Variants in SYT14 observed in about 807,000 individuals in gnomAD.
The protein encoded by SYT14 is synaptotagmin 14.
SYT14 carries 32 observed loss-of-function variants against 74.2 expected under a neutral mutation model. That is an observed-to-expected ratio of 0.43 (90% confidence interval 0.33 to 0.58). The LOEUF is 0.58. Among genes scored for constraint, SYT14 ranks in the 20% least tolerant of loss-of-function variants. The pLI is 0.05. For missense variants in SYT14, 791 were observed against 981.8 expected (o/e 0.81, Z 2.60); for synonymous variants, 298 against 337.7 (o/e 0.88, Z 1.29).
intron 1 of SYT14, among the ~76,000 whole-genome samples, chr1:209,951,545 A>G (rs906663532): frequency 6.6e-6 from 1 of 152,126 alleles, no homozygotes; most frequent in African/African-American, 2.4e-5. Context: ...ATGTGCCATT[A>G]TCTTTTAAAG....
intron 2 of SYT14, among the ~76,000 whole-genome samples, chr1:209,988,627 A>G (rs1443806306): frequency 6.6e-6 from 1 of 152,180 alleles, no homozygotes; most frequent in Admixed American, 6.5e-5. Flanking sequence ...TAGGAGGGGC[A>G]AAACCTGCAT....
At chr1:210,121,646 T>C (rs1008839189) in intron 7 of SYT14, among the ~76,000 whole-genome samples, 4 of 151,806 alleles carry the variant, frequency 2.6e-5, no homozygotes, top group African/African-American at 9.7e-5. Context: ...TACAAAAAAT[T>C]AGCCAGGCGT....
Position 210,030,908 on chromosome 1 carries a change from G to GTTTGTTCTGTTTTGTTTTGT in SYT14, c.1312+9660_1312+9661insCTGTTTTGTTTTGTTTTGTT, listed in dbSNP as rs2080517340. ...AATTAGTATGGGAAGGCAGTGTTTTGTTTGTTTTGTTTTGTTTTGTTTTGT... is the reference window on the plus strand; with the variant it reads ...AATTAGTATGGGAAGGCAGTGTTTTGTTTGTTCTGTTTTGTTTTGTTTTGTTTTGTTTTGTTTTGTTTTGT... On this transcript the variant is annotated intron_variant, in intron 5 of 9. Transcript: ENST00000637265. Among the ~76,000 whole-genome samples, 3 of 149,054 alleles carry GTTTGTTCTGTTTTGTTTTGT rather than the reference G, an allele frequency of 2.0e-5. No individual in the cohort carries two copies. The South Asian group carries it at 6.4e-4, about 32-fold the overall frequency.
At chr1:210,156,911 C>T (rs767316615) in intron 8 of SYT14, 8 of 385,074 alleles carry the variant, frequency 2.1e-5, no homozygotes, top group African/African-American at 8.2e-5. Flanking sequence ...TCAAGCTGGT[C>T]GCAAGCTCCT....
intron 7 of SYT14, among the ~76,000 whole-genome samples, chr1:210,127,920 G>T (rs780985582): frequency 6.6e-6 from 1 of 152,072 alleles, no homozygotes; most frequent in Non-Finnish European, 1.5e-5. Flanking sequence ...CCAGCTACTC[G>T]GGAGGCTGAG....
intron 1 of SYT14, among the ~76,000 whole-genome samples, chr1:209,949,120 T>G (rs1012057515): frequency 1.3e-5 from 2 of 152,210 alleles, no homozygotes; most frequent in African/African-American, 4.8e-5. Context: ...CAAGACAAAA[T>G]AGACATAAAA....
chr1:209,951,662 A>G (rs542033993), intron 1 of SYT14, among the ~76,000 whole-genome samples: 11 of 152,324 alleles, frequency 7.2e-5, no homozygotes, highest in African/African-American at 1.4e-4. Flanking sequence ...GTTATATAAA[A>G]AGGTTCATAG....
chr1:210,030,267 G>T (rs1204627058), intron 5 of SYT14, among the ~76,000 whole-genome samples: 2 of 151,732 alleles, frequency 1.3e-5, no homozygotes, highest in Non-Finnish European at 2.9e-5. Context: ...TCAGCCTCCC[G>T]AGTAGCTGGG....
chr1:210,015,730 G>T (rs892835242), exon 4 of SYT14: 3 of 312,730 alleles, frequency 9.6e-6, no homozygotes, highest in Non-Finnish European at 1.6e-5. Context: ...ATATTGTCTT[G>T]CTGCTGTTAT....
At chr1:210,110,766 C>T (rs1209218521) in intron 7 of SYT14, among the ~76,000 whole-genome samples, 1 of 152,136 alleles carries the variant, frequency 6.6e-6, no homozygotes, top group Admixed American at 6.5e-5. Flanking sequence ...ATTTTTGAGA[C>T]AGAGTTTCGT....
intron 5 of SYT14, among the ~76,000 whole-genome samples, chr1:210,041,687 A>T (rs1410950715): frequency 6.6e-6 from 1 of 152,150 alleles, no homozygotes; most frequent in Admixed American, 6.5e-5. Context: ...CATAAACTTA[A>T]AAATAAATAC....
intron 2 of SYT14, among the ~76,000 whole-genome samples, chr1:209,988,929 A>G (rs1213244660): frequency 1.3e-5 from 2 of 152,216 alleles, no homozygotes; most frequent in Admixed American, 6.5e-5. Context: ...ACTCAGCCAC[A>G]TGAACTTGAG....
exon 4 of SYT14, chr1:210,016,485 C>T: frequency 8.1e-7 from 1 of 1,231,978 alleles, no homozygotes; most frequent in Non-Finnish European, 1.0e-6. Context: ...AATACAAGGG[C>T]TGGATCTATT....
At chr1:210,004,609 A>G (rs1189617099) in intron 2 of SYT14, among the ~76,000 whole-genome samples, 1 of 151,958 alleles carries the variant, frequency 6.6e-6, no homozygotes, top group Non-Finnish European at 1.5e-5. Flanking sequence ...TTCTTACTTT[A>G]TAACACCTTA....
intron 2 of SYT14, among the ~76,000 whole-genome samples, chr1:209,982,119 C>T (rs1449820778): frequency 1.3e-5 from 2 of 152,056 alleles, no homozygotes; most frequent in South Asian, 2.1e-4. Flanking sequence ...GGTTACTTTA[C>T]ATAGTCCCAT....
At chr1:210,059,447 TATATAGAGAGAG>T (rs1367727122) in intron 5 of SYT14, among the ~76,000 whole-genome samples, 1 of 94,756 alleles carries the variant, frequency 1.1e-5, no homozygotes, top group African/African-American at 5.4e-5. Context: ...TATATATATA[TATATAGAGAGAG>T]AGAGAGAGAG....
At chr1:210,018,434 T>C (rs2102941525) in intron 4 of SYT14, among the ~76,000 whole-genome samples, 1 of 152,288 alleles carries the variant, frequency 6.6e-6, no homozygotes, top group East Asian at 1.9e-4. Flanking sequence ...TGCCTGGCCA[T>C]TCTAGCAGTT....
At chr1:209,983,760 C>T (rs1417401065) in intron 2 of SYT14, among the ~76,000 whole-genome samples, 1 of 152,160 alleles carries the variant, frequency 6.6e-6, no homozygotes, top group Non-Finnish European at 1.5e-5. Flanking sequence ...ATGGGCCATA[C>T]TTTCTTGTTT....
At chr1:210,014,858 CT>C (rs2080152350) in intron 3 of SYT14, among the ~76,000 whole-genome samples, 3 of 151,866 alleles carry the variant, frequency 2.0e-5, no homozygotes, top group Admixed American at 2.0e-4. Context: ...CTGGTTTTTC[CT>C]TTGTTTAATG....
Sources: gnomAD v4.1 joint callset for allele counts (sites outside exome capture counted in the v4.1 genomes callset) on GRCh38, gnomAD v4.1.1 for gene constraint, MANE v1.5 for transcripts, NCBI Gene and HGNC (gene_info 2026-07-23, HGNC 2026-07-21) for gene names.